NDUFA10: variants seen among roughly 807,000 people sequenced by gnomAD.
The protein encoded by NDUFA10 is NADH dehydrogenase [ubiquinone] 1 alpha subcomplex subunit 10, mitochondrial.
A neutral mutation model predicts 47.8 loss-of-function variants in NDUFA10; 40 were observed. That is an observed-to-expected ratio of 0.84 (90% CI 0.65 to 1.09). NDUFA10 has a LOEUF of 1.09. Among genes scored for constraint, NDUFA10 ranks in the 50% least tolerant of loss-of-function variants. The pLI is 0.00. For synonymous variants in NDUFA10, 183 were observed against 172.2 expected (o/e 1.06, Z -0.49); for missense variants, 413 against 451.1 (o/e 0.92, Z 0.76).
At chr2:239,967,906 A>G (rs896745893) in intron 9 of NDUFA10, among the ~76,000 whole-genome samples, 1 of 151,976 alleles carries the variant, frequency 6.6e-6, no homozygotes, top group African/African-American at 2.4e-5. Context: ...TCTTGGGTGC[A>G]CAATTTAGAC....
intron 4 of NDUFA10, among the ~76,000 whole-genome samples, chr2:239,903,946 G>C (rs1386445326): frequency 2.0e-5 from 3 of 152,258 alleles, no homozygotes; most frequent in African/African-American, 7.2e-5. Flanking sequence ...GGGCTGCAGA[G>C]AACCAGGGGC....
chr2:239,914,396 TAC>T (rs1451583153), intron 4 of NDUFA10, among the ~76,000 whole-genome samples: 6 of 127,616 alleles, frequency 4.7e-5, no homozygotes, highest in Non-Finnish European at 6.6e-5. Flanking sequence ...CACACATACA[TAC>T]ACAGACACAC....
intron 4 of NDUFA10, among the ~76,000 whole-genome samples, chr2:239,927,637 C>T (rs1694085574): frequency 1.3e-5 from 2 of 152,222 alleles, no homozygotes; most frequent in Non-Finnish European, 2.9e-5. Flanking sequence ...CTAAAGGTCA[C>T]ATGCCGCACA....
intron 4 of NDUFA10, among the ~76,000 whole-genome samples, chr2:239,905,581 C>CT: frequency 6.6e-6 from 1 of 152,048 alleles, no homozygotes; most frequent in Non-Finnish European, 1.5e-5. Context: ...GCTGCCGCGT[C>CT]GGGGGGTTTA....
intron 3 of NDUFA10, chr2:240,020,942 G>T: frequency 1.7e-6 from 1 of 572,884 alleles, no homozygotes; most frequent in Non-Finnish European, 3.1e-6. Flanking sequence ...TGTAAGTATA[G>T]AAGCTTAAAG....
chr2:239,903,342 C>T (rs1434798643), intron 4 of NDUFA10, among the ~76,000 whole-genome samples: 1 of 152,230 alleles, frequency 6.6e-6, no homozygotes. Flanking sequence ...GAGGAGGCTC[C>T]TTCTGCATTT....
chr2:239,938,600 C>T (rs564921411), intron 4 of NDUFA10, among the ~76,000 whole-genome samples: 1 of 152,324 alleles, frequency 6.6e-6, no homozygotes, highest in African/African-American at 2.4e-5. Context: ...TCCCGGGCAG[C>T]TGTGGTTAAT....
chr2:240,007,748 G>C (rs1012372069), intron 6 of NDUFA10, among the ~76,000 whole-genome samples: 6 of 152,220 alleles, frequency 3.9e-5, no homozygotes, highest in Non-Finnish European at 7.3e-5. Context: ...CTGCACGGAA[G>C]GACAACGAAG....
intron 7 of NDUFA10, among the ~76,000 whole-genome samples, chr2:240,006,424 C>T (rs1047922272): frequency 6.6e-6 from 1 of 152,192 alleles, no homozygotes; most frequent in African/African-American, 2.4e-5. Flanking sequence ...GTCAACCTCC[C>T]TCTTCTCACC....
intron 9 of NDUFA10, chr2:239,983,668 T>C (rs1478630372): frequency 3.2e-6 from 5 of 1,578,108 alleles, no homozygotes; most frequent in Non-Finnish European, 4.3e-6. Flanking sequence ...GTGCCCCTGA[T>C]GCTTCACCTC....
At chr2:239,998,541 G>C (rs1696576908) in intron 8 of NDUFA10, among the ~76,000 whole-genome samples, 1 of 152,056 alleles carries the variant, frequency 6.6e-6, no homozygotes, top group Non-Finnish European at 1.5e-5. Flanking sequence ...TTGGCTTCTG[G>C]AAACTCAGCT....
intron 9 of NDUFA10, among the ~76,000 whole-genome samples, chr2:239,975,698 C>T (rs1479557208): frequency 6.6e-6 from 1 of 152,208 alleles, no homozygotes; most frequent in Non-Finnish European, 1.5e-5. Context: ...GCTCTTTCCC[C>T]TTCTTGTCAG....
At chr2:240,022,527 T>C (rs1697666931) in intron 1 of NDUFA10, among the ~76,000 whole-genome samples, 187 bp from the exon 2 acceptor site, 1 of 152,174 alleles carries the variant, frequency 6.6e-6, no homozygotes, top group Non-Finnish European at 1.5e-5. Context: ...GTAAGTTTCG[T>C]TAAAGGCAGA....
chr2:239,981,397 C>A (rs1388320060), intron 9 of NDUFA10, among the ~76,000 whole-genome samples: 1 of 140,210 alleles, frequency 7.1e-6, no homozygotes, highest in Non-Finnish European at 1.5e-5. Context: ...AGAGACAGAG[C>A]ATAAAATAAC....
chr2:239,961,310 C>T (rs1694845442), intron 9 of NDUFA10, 124 bp from the exon 10 acceptor site: 1 of 1,551,876 alleles, frequency 6.4e-7, no homozygotes, highest in African/African-American at 1.4e-5. Flanking sequence ...TGCTGGTGAG[C>T]ACATGATCTG....
chr2:239,958,278 C>A lies in NDUFA10; in HGVS notation c.*2840G>T, dbSNP rs1429172780. ...GACTATGCTTCTTCCCAGAAAGTAG[C>A]CGCCTGCTTGCTTCTTTGCATTGAC... On this transcript the variant is annotated 3_prime_UTR_variant, in exon 10 of 10. Coordinates refer to ENST00000252711, the MANE Select transcript of NDUFA10 (RefSeq NM_004544.4). 2.0e-5 allele frequency: 3 copies of A among 152,216 alleles called. No individual in the cohort carries two copies. The South Asian group carries it at 6.2e-4, about 32-fold the overall frequency. 9.4% of individuals were successfully genotyped at this position (152,216 alleles called of 1,614,324 possible).
chr2:239,961,402 T>C (rs1694848864), intron 9 of NDUFA10, among the ~76,000 whole-genome samples: 1 of 152,186 alleles, frequency 6.6e-6, no homozygotes, highest in South Asian at 2.1e-4. Flanking sequence ...GCTTCTGTCC[T>C]AGGGCTGGGA....
intron 9 of NDUFA10, chr2:239,982,354 AT>A: frequency 7.8e-7 from 1 of 1,287,494 alleles, no homozygotes; most frequent in Non-Finnish European, 1.1e-6. Context: ...TCTTGTCTTG[AT>A]TGTATTTACT....
At chr2:239,962,232 CA>C (rs1694883299) in intron 9 of NDUFA10, among the ~76,000 whole-genome samples, 1 of 152,060 alleles carries the variant, frequency 6.6e-6, no homozygotes, top group Admixed American at 6.5e-5. Context: ...CACACACACA[CA>C]CACACACCCC....
Sources: gnomAD v4.1 joint callset for allele counts (sites outside exome capture counted in the v4.1 genomes callset) on GRCh38, gnomAD v4.1.1 for gene constraint, MANE v1.5 for transcripts, NCBI Gene and HGNC (gene_info 2026-07-23, HGNC 2026-07-21) for gene names.